EEFSEC: variants seen among roughly 807,000 people sequenced by gnomAD.
EEFSEC encodes selenocysteine-specific elongation factor.
In EEFSEC, 43 loss-of-function variants were observed where a neutral mutation model predicts 42.1. The ratio of observed to expected loss-of-function variants is 1.02; its 90% CI spans 0.80 to 1.32. The LOEUF is 1.32. Ranked by LOEUF, EEFSEC falls within the 40% of genes most tolerant of loss-of-function variation. EEFSEC has a pLI of 0.00. For synonymous variants in EEFSEC, 354 were observed against 339.1 expected (o/e 1.04, Z -0.48); for missense variants, 745 against 803.6 (o/e 0.93, Z 0.88).
intron 4 of EEFSEC, among the ~76,000 whole-genome samples, chr3:128,321,335 G>A (rs774195130): frequency 5.9e-5 from 9 of 152,190 alleles, no homozygotes; most frequent in Admixed American, 1.3e-4. Context: ...TTTTCTGAGA[G>A]GGAAGAAGAG....
At chr3:128,205,669 A>G (rs1054542789) in intron 1 of EEFSEC, among the ~76,000 whole-genome samples, 5 of 152,234 alleles carry the variant, frequency 3.3e-5, no homozygotes, top group African/African-American at 9.6e-5. Context: ...CAGGCTGAGC[A>G]TAGGCTTCCA....
At chr3:128,347,268 A>G (rs191526311) in intron 5 of EEFSEC, among the ~76,000 whole-genome samples, 79 of 152,272 alleles carry the variant, frequency 5.2e-4, no homozygotes, top group Admixed American at 1.8e-3. Context: ...TGAAGAAAAA[A>G]AAAAAAGAAG....
At chr3:128,380,656 TC>T (rs1576686751) in intron 6 of EEFSEC, among the ~76,000 whole-genome samples, 1 of 152,258 alleles carries the variant, frequency 6.6e-6, no homozygotes, top group Admixed American at 6.5e-5. Context: ...ACTGATGTTT[TC>T]TTTGTGGAAC....
At chr3:128,405,177 C>T (rs113483254) in intron 6 of EEFSEC, among the ~76,000 whole-genome samples, 18 of 152,218 alleles carry the variant, frequency 1.2e-4, no homozygotes, top group African/African-American at 3.9e-4. Flanking sequence ...CCACCACGCC[C>T]GGCTAATTTT....
At chr3:128,180,029 T>TA (rs1239616182) in intron 1 of EEFSEC, among the ~76,000 whole-genome samples, 2 of 152,208 alleles carry the variant, frequency 1.3e-5, no homozygotes, top group Non-Finnish European at 2.9e-5. Context: ...TAATTGCATT[T>TA]AAAATCTCTG....
At chr3:128,348,843 G>T (rs754494204) in intron 5 of EEFSEC, among the ~76,000 whole-genome samples, 4 of 152,194 alleles carry the variant, frequency 2.6e-5, no homozygotes, top group Non-Finnish European at 5.9e-5. Flanking sequence ...CAGACCAGCT[G>T]CTCCTCCTTT....
At chr3:128,157,271 G>A (rs780495273) in intron 1 of EEFSEC, among the ~76,000 whole-genome samples, 1 of 152,310 alleles carries the variant, frequency 6.6e-6, no homozygotes, top group Admixed American at 6.5e-5. Flanking sequence ...GGTTCATGAG[G>A]TTTGAGGAAA....
chr3:128,373,618 G>A (rs932920230), intron 6 of EEFSEC, among the ~76,000 whole-genome samples: 11 of 152,174 alleles, frequency 7.2e-5, no homozygotes, highest in Non-Finnish European at 1.5e-4. Flanking sequence ...TTTAGTGCTC[G>A]AAGGTTGGGA....
At chr3:128,289,434 G>A (rs1051727412) in intron 4 of EEFSEC, among the ~76,000 whole-genome samples, 4 of 152,216 alleles carry the variant, frequency 2.6e-5, no homozygotes, top group African/African-American at 9.7e-5. Flanking sequence ...GGCAGATGGA[G>A]GGAAGCAGCA....
At position 128,326,634 on chromosome 3, in the gene EEFSEC, C is replaced by T. The variant is rs115603344; in HGVS notation, c.787-14599C>T. On this transcript the variant is annotated intron_variant, in intron 4 of 6. Coordinates refer to ENST00000254730, the MANE Select transcript of EEFSEC (RefSeq NM_021937.5). The stretch of plus-strand genomic sequence containing the variant: ...CAGCACCTGACCCCTCCATTTCCTC[C>T]TCTCAGCCCAGGGCTGGCCTCCCCC... Among the ~76,000 whole-genome samples, 975 of 152,350 alleles carry T rather than the reference C, an allele frequency of 6.4e-3. 13 individuals are homozygous for T. The highest frequency in any genetic ancestry group is 0.022 in the African/African-American group (926 of 41,580).
intron 1 of EEFSEC, among the ~76,000 whole-genome samples, chr3:128,190,758 G>A (rs915210763): frequency 1.3e-5 from 2 of 152,094 alleles, no homozygotes; most frequent in African/African-American, 4.8e-5. Context: ...CTCCATTTAT[G>A]CTAAGTACTC....
intron 2 of EEFSEC, among the ~76,000 whole-genome samples, chr3:128,252,235 C>A (rs1256079313): frequency 6.6e-6 from 1 of 152,192 alleles, no homozygotes; most frequent in Non-Finnish European, 1.5e-5. Flanking sequence ...GGGTTGAATG[C>A]CAATCTCAAG....
chr3:128,380,279 T>A (rs1250730936), intron 6 of EEFSEC, among the ~76,000 whole-genome samples: 1 of 152,158 alleles, frequency 6.6e-6, no homozygotes, highest in Non-Finnish European at 1.5e-5. Context: ...TGTTATCCCA[T>A]CCCCTTTTCA....
the EEFSEC span, among the ~76,000 whole-genome samples, chr3:128,418,170 C>T: frequency 6.6e-6 from 1 of 152,126 alleles, no homozygotes; most frequent in East Asian, 1.9e-4. Context: ...CTGATGCCCT[C>T]GTCCAGTCCT....
intron 4 of EEFSEC, among the ~76,000 whole-genome samples, chr3:128,289,587 T>C (rs2066621435): frequency 6.6e-6 from 1 of 152,250 alleles, no homozygotes; most frequent in Non-Finnish European, 1.5e-5. Context: ...GAAATCTGGA[T>C]TTTCAAGTGA....
At chr3:128,177,068 C>T (rs2065357180) in intron 1 of EEFSEC, among the ~76,000 whole-genome samples, 1 of 151,906 alleles carries the variant, frequency 6.6e-6, no homozygotes, top group South Asian at 2.1e-4. Flanking sequence ...ATGATCTCAG[C>T]TCACTGCAAC....
intron 1 of EEFSEC, among the ~76,000 whole-genome samples, chr3:128,232,200 G>T (rs2065965596): frequency 6.6e-6 from 1 of 152,156 alleles, no homozygotes; most frequent in African/African-American, 2.4e-5. Context: ...AAAAAGTTGG[G>T]CAGGGGGTGG....
intron 3 of EEFSEC, 28 bp downstream of exon 3, chr3:128,262,252 C>G: frequency 6.2e-7 from 1 of 1,606,170 alleles, no homozygotes; most frequent in Non-Finnish European, 8.5e-7. Context: ...CCAGGTTGCC[C>G]TTTAGCCCCA....
At chr3:128,276,465 T>G (rs936276986) in intron 4 of EEFSEC, among the ~76,000 whole-genome samples, 14 of 152,176 alleles carry the variant, frequency 9.2e-5, no homozygotes, top group Admixed American at 2.6e-4. Flanking sequence ...CTGTGCAGCC[T>G]GGGTGACTTA....
Sources: gnomAD v4.1 joint callset for allele counts (sites outside exome capture counted in the v4.1 genomes callset) on GRCh38, gnomAD v4.1.1 for gene constraint, MANE v1.5 for transcripts, NCBI Gene and HGNC (gene_info 2026-07-23, HGNC 2026-07-21) for gene names.